Variants in ROPN1L observed in about 807,000 individuals in gnomAD.
The protein encoded by ROPN1L is rhophilin associated tail protein 1 like, also known as ropporin-1-like protein.
ROPN1L carries 23 observed loss-of-function variants against 22.7 expected under a neutral mutation model. The ratio of observed to expected loss-of-function variants is 1.01; its 90% CI spans 0.73 to 1.43. ROPN1L has a LOEUF of 1.43. Ranked by LOEUF, ROPN1L falls within the 40% of genes most tolerant of loss-of-function variation. The pLI is 0.00. For missense variants in ROPN1L, 271 were observed against 291.5 expected, an observed-to-expected ratio of 0.93 and a Z score of 0.51; for synonymous variants, 116 against 117.8, an observed-to-expected ratio of 0.98 and a Z score of 0.10.
chr5:10,470,991 G>A (rs977914382), intron 4 of ROPN1L, among the ~76,000 whole-genome samples: 8 of 152,300 alleles, frequency 5.3e-5, no homozygotes, highest in African/African-American at 9.6e-5. Context: ...AAAGTCCCCC[G>A]GGTGGAAAGG....
At chr5:10,448,194 G>A (rs1318436810) in intron 1 of ROPN1L, 66 bp from the exon 2 acceptor site, 9 of 1,590,748 alleles carry the variant, frequency 5.7e-6, no homozygotes, top group Non-Finnish European at 7.7e-6. Context: ...GGTTATTTAA[G>A]AAATTGGATC....
rs145151088 is a variant in ROPN1L, at chr5:10,451,978, A to G, written c.417+1865A>G. Reference sequence around the variant, plus strand: ...GTCTATCTATCTAATCTATCTATCTATATCTGTATCTAGCTATATGTTTTT... The same window carrying G: ...GTCTATCTATCTAATCTATCTATCTGTATCTGTATCTAGCTATATGTTTTT... On this transcript the variant is annotated intron_variant, in intron 3 of 4. Transcript: ENST00000274134. Among the ~76,000 whole-genome samples the G allele has an allele frequency of 1.5e-3, 219 of 147,522 alleles. 1 individual carries two copies. The highest frequency in any genetic ancestry group is 5.2e-3 in the African/African-American group (210 of 40,248).
At chr5:10,450,564 T>C (rs1258221927) in intron 3 of ROPN1L, among the ~76,000 whole-genome samples, 1 of 152,158 alleles carries the variant, frequency 6.6e-6, no homozygotes, top group Non-Finnish European at 1.5e-5. Context: ...AATGGCGCAA[T>C]CTCGGCTCAC....
chr5:10,479,069 G>T, the ROPN1L span, among the ~76,000 whole-genome samples: 1 of 152,154 alleles, frequency 6.6e-6, no homozygotes. Context: ...GATTATCCTG[G>T]TGTCCTTGTT....
chr5:10,451,124 C>T (rs962374354), intron 3 of ROPN1L, among the ~76,000 whole-genome samples: 5 of 152,368 alleles, frequency 3.3e-5, no homozygotes, highest in African/African-American at 1.2e-4. Flanking sequence ...CATAGATGAA[C>T]AATTTGATTT....
At chr5:10,458,640 C>T (rs1248693338) in intron 3 of ROPN1L, among the ~76,000 whole-genome samples, 3 of 71,278 alleles carry the variant, frequency 4.2e-5, no homozygotes, top group African/African-American at 1.8e-4. Context: ...CCATGTACAC[C>T]GTCCCCACCA....
Position 10,448,286 on chromosome 5 carries a change from A to G in ROPN1L, c.158A>G (p.Asp53Gly), listed in dbSNP as rs1741137979. Residue 53 changes from aspartate to glycine, a missense_variant, in exon 2 of 5, where the codon GAT becomes GGT. Coordinates refer to ENST00000274134, the MANE Select transcript of ROPN1L (RefSeq NM_031916.5). Reference protein sequence around the residue: ...AGYFSALSRGDPLPVKDRMEM... With the variant: ...AGYFSALSRGGPLPVKDRMEM... ...TATTTTTCAGCTCTGTCGAGAGGAG[A>G]TCCACTTCCTGTAAAGGACAGAATG... is the stretch of plus-strand genomic sequence containing the variant. 1 of 1,614,010 alleles carries G rather than the reference A, an allele frequency of 6.2e-7. No individual in the cohort carries two copies. The highest frequency in any genetic ancestry group is 8.5e-7 in the Non-Finnish European group (1 of 1,180,012).
the ROPN1L span, among the ~76,000 whole-genome samples, chr5:10,482,499 C>G: frequency 6.6e-6 from 1 of 152,200 alleles, no homozygotes; most frequent in Middle Eastern, 3.4e-3. Flanking sequence ...CCCATAAATT[C>G]TGGGGAATTT....
chr5:10,458,578 T>A (rs183156096), intron 3 of ROPN1L, among the ~76,000 whole-genome samples: 340 of 24,672 alleles, frequency 0.014, 2 homozygotes, highest in African/African-American at 0.055. Flanking sequence ...CCATCCCCCC[T>A]ATGTACACCA....
intron 1 of ROPN1L, among the ~76,000 whole-genome samples, chr5:10,443,844 A>G (rs980736922): frequency 6.6e-6 from 1 of 152,124 alleles, no homozygotes; most frequent in African/African-American, 2.4e-5. Flanking sequence ...CAAGGCCAGC[A>G]TCTTCAAATC....
At chr5:10,471,825 G>A (rs1735251137) in exon 5 of ROPN1L, 1 of 152,326 alleles carries the variant, frequency 6.6e-6, no homozygotes, top group Admixed American at 6.5e-5. Flanking sequence ...TGTCCTGGCT[G>A]AGCACAACCA....
downstream of ROPN1L, among the ~76,000 whole-genome samples, chr5:10,465,550 CAA>C (rs1179219259): frequency 6.7e-6 from 1 of 149,264 alleles, no homozygotes; most frequent in African/African-American, 2.5e-5. Flanking sequence ...AACGAACAAA[CAA>C]AAAAAGGGGC....
At chr5:10,475,418 C>T (rs1735305270), downstream of ROPN1L, among the ~76,000 whole-genome samples, 1 of 152,138 alleles carries the variant, frequency 6.6e-6, no homozygotes, top group Non-Finnish European at 1.5e-5. Context: ...AAAACTTTCC[C>T]TGTTCAAATC....
intron 4 of ROPN1L, among the ~76,000 whole-genome samples, chr5:10,462,020 C>T (rs2673896): frequency 0.18 from 28,087 of 152,064 alleles, 3,724 homozygotes; most frequent in East Asian, 0.66. Context: ...TTTAGGGTTT[C>T]TTTTTCCTGG....
rs754917814 is a variant in ROPN1L, at chr5:10,442,132, C to G, written c.-36C>G. The G allele has an allele frequency of 1.3e-6, 2 of 1,586,552 alleles. No individual in the cohort carries two copies. Among genetic ancestry groups the G allele is most frequent in the Non-Finnish European group, 1.7e-6 (2 of 1,159,406 alleles). The stretch of plus-strand genomic sequence containing the variant: ...GCCGCCCTTCTTCCTCGCAGCGCGC[C>G]GCGATTCACCAGCCTGGTCCCTTCT... On this transcript the variant is annotated 5_prime_UTR_variant, in exon 1 of 5. Transcript: ENST00000274134.
At chr5:10,470,942 G>A (rs966525767) in intron 4 of ROPN1L, among the ~76,000 whole-genome samples, 1 of 152,214 alleles carries the variant, frequency 6.6e-6, no homozygotes, top group African/African-American at 2.4e-5. Flanking sequence ...GAAGGCTGCT[G>A]TCATTACCCC....
At chr5:10,464,401 T>C (rs550166851) in intron 4 of ROPN1L, among the ~76,000 whole-genome samples, 9 of 152,274 alleles carry the variant, frequency 5.9e-5, no homozygotes, top group Non-Finnish European at 1.2e-4. Context: ...ATCCGGGTCA[T>C]GCTGGGCCCC....
At chr5:10,442,530 C>A (rs1740920368) in intron 1 of ROPN1L, among the ~76,000 whole-genome samples, 1 of 152,244 alleles carries the variant, frequency 6.6e-6, no homozygotes, top group African/African-American at 2.4e-5. Context: ...CACTTACCTA[C>A]AACGTAATGG....
At chr5:10,471,624 C>T (rs766435053) in intron 4 of ROPN1L, among the ~76,000 whole-genome samples, 26 of 152,246 alleles carry the variant, frequency 1.7e-4, no homozygotes, top group Non-Finnish European at 3.7e-4. Flanking sequence ...TTTTATGTCC[C>T]GCAGCCTGAA....
Sources: allele counts gnomAD v4.1 joint callset (sites outside exome capture counted in the v4.1 genomes callset), GRCh38; gene constraint gnomAD v4.1.1; transcripts MANE v1.5; gene names NCBI Gene and HGNC (gene_info 2026-07-23, HGNC 2026-07-21).